Variants in TRAF3 observed in about 807,000 individuals in gnomAD.
TRAF3 encodes TNF receptor-associated factor 3.
In TRAF3, 13 loss-of-function variants were observed where a neutral mutation model predicts 62.3. The observed-to-expected ratio is 0.21, with a 90% confidence interval of 0.14 to 0.33. The LOEUF (loss-of-function observed/expected upper bound fraction) is 0.33. TRAF3 is among the 10% of genes least tolerant of loss of function. The pLI, the probability that TRAF3 is intolerant of heterozygous loss-of-function variation, is 1.00. For synonymous variants in TRAF3, 269 were observed against 283.4 expected (o/e 0.95, Z 0.51); for missense variants, 440 against 741.8 (o/e 0.59, Z 4.73).
At chr14:102,786,083 A>G (rs1184315112) in intron 1 of TRAF3, among the ~76,000 whole-genome samples, 1 of 152,184 alleles carries the variant, frequency 6.6e-6, no homozygotes, top group East Asian at 1.9e-4. Flanking sequence ...ACACAGTAAA[A>G]AGGAGATCAG....
chr14:102,875,517 GT>G, intron 4 of TRAF3, 106 bp from the exon 5 acceptor site: 1 of 900,638 alleles, frequency 1.1e-6, no homozygotes, highest in South Asian at 1.4e-5. Flanking sequence ...TCACTTAAGA[GT>G]TCCTCTCTTG....
At chr14:102,883,734 C>T (rs768249385) in intron 6 of TRAF3, among the ~76,000 whole-genome samples, 4 of 152,036 alleles carry the variant, frequency 2.6e-5, no homozygotes, top group African/African-American at 7.2e-5. Context: ...TACGGGTGCC[C>T]GCCACCGCAC....
intron 9 of TRAF3, among the ~76,000 whole-genome samples, chr14:102,891,947 G>A (rs1889741072): frequency 6.6e-6 from 1 of 151,654 alleles, no homozygotes; most frequent in Admixed American, 6.6e-5. Flanking sequence ...AAAAATATTT[G>A]ATATGATTAC....
At chr14:102,887,977 C>T (rs1889495571) in intron 7 of TRAF3, among the ~76,000 whole-genome samples, 1 of 152,112 alleles carries the variant, frequency 6.6e-6, no homozygotes, top group East Asian at 1.9e-4. Context: ...ATAGATTATT[C>T]TTGCCCCTAT....
chr14:102,793,993 C>T (rs905919702), intron 1 of TRAF3, among the ~76,000 whole-genome samples: 2 of 152,134 alleles, frequency 1.3e-5, no homozygotes, highest in Non-Finnish European at 2.9e-5. Flanking sequence ...CCAAGAGGGC[C>T]GTACACACAT....
At chr14:102,896,554 C>T (rs1890018385) in intron 9 of TRAF3, among the ~76,000 whole-genome samples, 1 of 152,218 alleles carries the variant, frequency 6.6e-6, no homozygotes, top group African/African-American at 2.4e-5. Context: ...GGGATACACA[C>T]ACACGTTGGT....
chr14:102,821,028 C>T (rs1436216104), intron 1 of TRAF3, among the ~76,000 whole-genome samples: 3 of 151,956 alleles, frequency 2.0e-5, no homozygotes, highest in African/African-American at 2.4e-5. Flanking sequence ...TGAAATATGC[C>T]TACTAAATAT....
intron 7 of TRAF3, among the ~76,000 whole-genome samples, chr14:102,886,721 A>T (rs143904679): frequency 4.8e-4 from 73 of 152,288 alleles, no homozygotes; most frequent in African/African-American, 1.7e-3. Context: ...ACACCACTGC[A>T]CTCCAGCCTG....
rs1176170740 is a variant in TRAF3 at position 102,907,071 on chromosome 14, C to T, written c.*1287C>T. 6.6e-6 allele frequency: 1 copy of T among 152,264 alleles called. No homozygotes were observed. Among genetic ancestry groups the T allele is most frequent in the Non-Finnish European group, 1.5e-5 (1 of 68,054 alleles). 9.4% of individuals were successfully genotyped at this position (152,264 alleles called of 1,614,324 possible). On this transcript the variant is annotated 3_prime_UTR_variant, in exon 12 of 12. Coordinates refer to ENST00000392745, the MANE Select transcript of TRAF3 (RefSeq NM_145725.3). ...GGAAGCCAGGCTCCACCGTCGGCTT[C>T]TGGAGCCTCCGCTGCTTAATTACCA... is the stretch of plus-strand genomic sequence containing the variant.
At chr14:102,888,433 CCTT>C (rs1249888501) in intron 7 of TRAF3, among the ~76,000 whole-genome samples, 1 of 152,186 alleles carries the variant, frequency 6.6e-6, no homozygotes, top group African/African-American at 2.4e-5. Flanking sequence ...TGTCCCTCCT[CCTT>C]AGTTTCGCAG....
intron 10 of TRAF3, among the ~76,000 whole-genome samples, chr14:102,898,504 G>T (rs1392046901): frequency 6.6e-6 from 1 of 152,232 alleles, no homozygotes; most frequent in African/African-American, 2.4e-5. Flanking sequence ...GCCATCCTGT[G>T]GCCCGCCTGC....
chr14:102,786,964 C>T (rs1253116738), intron 1 of TRAF3, among the ~76,000 whole-genome samples: 7 of 152,124 alleles, frequency 4.6e-5, no homozygotes, highest in African/African-American at 9.7e-5. Context: ...ACCATACTTC[C>T]GCACTTTAGC....
At chr14:102,891,670 A>G (rs1423784123) in intron 9 of TRAF3, among the ~76,000 whole-genome samples, 1 of 151,834 alleles carries the variant, frequency 6.6e-6, no homozygotes, top group Non-Finnish European at 1.5e-5. Flanking sequence ...GCATCCATCC[A>G]GCACAGAGAT....
chr14:102,887,940 G>A (rs1889493198), intron 7 of TRAF3, among the ~76,000 whole-genome samples: 1 of 152,048 alleles, frequency 6.6e-6, no homozygotes, highest in Admixed American at 6.6e-5. Flanking sequence ...TTTCTGTTGG[G>A]TTTCTGATGA....
At chr14:102,799,535 C>T (rs1380227842) in intron 1 of TRAF3, among the ~76,000 whole-genome samples, 3 of 152,180 alleles carry the variant, frequency 2.0e-5, no homozygotes, top group Non-Finnish European at 4.4e-5. Flanking sequence ...GCTGCAACCT[C>T]CGTCTCCCAG....
At position 102,806,604 on chromosome 14, in the gene TRAF3, G is replaced by C. The variant is rs188155129; in HGVS notation, c.-156-23730G>C. The stretch of plus-strand genomic sequence containing the variant: ...CTATTGAGTCCTTGGTATGTGCCGG[G>C]CACCCTCCTGTGTACCAGGGCATGG... On this transcript the variant is annotated intron_variant, in intron 1 of 11. Transcript: ENST00000392745. 2.0e-3 allele frequency among the ~76,000 whole-genome samples: 308 copies of C among 152,282 alleles called. 4 individuals carry two copies. Among genetic ancestry groups the C allele is most frequent in the South Asian group, 8.3e-4 (4 of 4,824 alleles).
At chr14:102,842,832 A>G (rs1886458904) in intron 2 of TRAF3, among the ~76,000 whole-genome samples, 2 of 152,218 alleles carry the variant, frequency 1.3e-5, no homozygotes, top group African/African-American at 4.8e-5. Flanking sequence ...AAGTACTGAA[A>G]GAAAAAAACC....
At chr14:102,811,590 T>A (rs372779586) in intron 1 of TRAF3, among the ~76,000 whole-genome samples, 2 of 150,670 alleles carry the variant, frequency 1.3e-5, no homozygotes, top group Admixed American at 1.3e-4. Context: ...TTGTTTGTTT[T>A]TGTGCAGAGG....
At position 102,897,348 on chromosome 14, in the gene TRAF3, G is replaced by C; in HGVS notation, c.907G>C (p.Glu303Gln). Residue 303 changes from glutamate to glutamine, a missense_variant, in exon 10 of 12, where the codon GAG becomes CAG. This residue lies in a region of TRAF3 where 255 missense variants were observed against 424.1 expected (regional missense o/e 0.60). Transcript: ENST00000392745. Reference protein sequence around the residue: ...NQICSFEIEIERQKEMLRNNE... With the variant: ...NQICSFEIEIQRQKEMLRNNE... The stretch of plus-strand genomic sequence containing the variant: ...GATATGTAGCTTTGAAATTGAAATT[G>C]AGAGACAAAAGGAAATGCTTCGAAA... The C allele has an allele frequency of 6.2e-7, 1 of 1,613,980 alleles. No individual in the cohort carries two copies. The highest frequency in any genetic ancestry group is 8.5e-7 in the Non-Finnish European group (1 of 1,179,936).
Sources: allele counts gnomAD v4.1 joint callset (sites outside exome capture counted in the v4.1 genomes callset), GRCh38; gene constraint gnomAD v4.1.1; regional missense constraint gnomAD v4.1.1; transcripts MANE v1.5; gene names NCBI Gene and HGNC (gene_info 2026-07-23, HGNC 2026-07-21).